The following CTNNA3 variants were observed in gnomAD, a reference collection of about 807,000 sequenced individuals.
CTNNA3 encodes catenin alpha 3.
CTNNA3 carries 76 observed loss-of-function variants against 95.7 expected under a neutral mutation model. The ratio of observed to expected loss-of-function variants is 0.79; its 90% CI spans 0.66 to 0.96. The LOEUF is 0.96. Ranked by LOEUF, CTNNA3 falls within the 40% of genes least tolerant of loss-of-function variation. The probability of loss-of-function intolerance (pLI) is 0.00; values close to 1 mark genes in which losing one functional copy is unlikely to be tolerated. For missense variants in CTNNA3, 1,191 were observed against 1,089.8 expected, an observed-to-expected ratio of 1.09 and a Z score of -1.31; for synonymous variants, 431 against 374.4, an observed-to-expected ratio of 1.15 and a Z score of -1.74.
chr10:67,624,954 T>G (rs1207404963), intron 2 of CTNNA3, among the ~76,000 whole-genome samples: 1 of 152,220 alleles, frequency 6.6e-6, no homozygotes, highest in Non-Finnish European at 1.5e-5. Flanking sequence ...TAGTCTTTAT[T>G]TTTTCCTTTG....
chr10:67,266,428 C>T (rs1441063188), intron 5 of CTNNA3, among the ~76,000 whole-genome samples: 15 of 151,938 alleles, frequency 9.9e-5, no homozygotes, highest in Non-Finnish European at 1.5e-5. Context: ...AACCTTAGAG[C>T]GAGCATGCGG....
intron 11 of CTNNA3, among the ~76,000 whole-genome samples, chr10:66,470,163 T>C (rs1030411633): frequency 3.3e-5 from 5 of 151,832 alleles, no homozygotes; most frequent in Admixed American, 1.3e-4. Context: ...AATTCCTCTA[T>C]TGGAACTGGA....
chr10:66,962,542 TG>T (rs1231328465), intron 7 of CTNNA3, among the ~76,000 whole-genome samples: 1 of 152,032 alleles, frequency 6.6e-6, no homozygotes, highest in East Asian at 1.9e-4. Context: ...ACTGAGTAGC[TG>T]GGATTACAGG....
intron 9 of CTNNA3, among the ~76,000 whole-genome samples, chr10:66,740,470 T>C (rs1849293239): frequency 6.6e-6 from 1 of 152,218 alleles, no homozygotes; most frequent in Admixed American, 6.5e-5. Flanking sequence ...TGTCAAATTA[T>C]TTTTCTTTCA....
At chr10:66,373,585 T>G (rs2092769999) in intron 12 of CTNNA3, among the ~76,000 whole-genome samples, 1 of 125,790 alleles carries the variant, frequency 7.9e-6, no homozygotes, top group Non-Finnish European at 1.6e-5. Context: ...CTCTTGTTAA[T>G]GCTCTCTAAT....
intron 7 of CTNNA3, among the ~76,000 whole-genome samples, chr10:66,991,288 C>A (rs1346645443): frequency 6.6e-6 from 1 of 152,100 alleles, no homozygotes; most frequent in Non-Finnish European, 1.5e-5. Context: ...CTTATCAAGA[C>A]ATATATTTCT....
intron 5 of CTNNA3, among the ~76,000 whole-genome samples, chr10:67,516,941 T>A (rs1372604097): frequency 1.3e-5 from 2 of 152,198 alleles, no homozygotes; most frequent in Non-Finnish European, 2.9e-5. Context: ...TTTCCTTCCT[T>A]TTTAAGGCTA....
chr10:67,134,780 C>T (rs184711614), intron 7 of CTNNA3, among the ~76,000 whole-genome samples: 1 of 152,186 alleles, frequency 6.6e-6, no homozygotes, highest in Admixed American at 6.6e-5. Flanking sequence ...GTCTTCTAAC[C>T]TCTAATAACT....
intron 13 of CTNNA3, among the ~76,000 whole-genome samples, chr10:66,188,591 GTC>G (rs35787570): frequency 0.027 from 2,890 of 106,878 alleles, 52 homozygotes; most frequent in East Asian, 0.054. Flanking sequence ...GGGAGGGGGG[GTC>G]TCTGTGTGTG....
intron 13 of CTNNA3, among the ~76,000 whole-genome samples, chr10:66,123,902 C>A (rs144568302): frequency 2.6e-5 from 4 of 152,136 alleles, no homozygotes; most frequent in Non-Finnish European, 5.9e-5. Flanking sequence ...GCCTGGCCCA[C>A]GAAACCACTT....
At chr10:66,363,545 T>C (rs1251784416) in intron 12 of CTNNA3, among the ~76,000 whole-genome samples, 1 of 152,102 alleles carries the variant, frequency 6.6e-6, no homozygotes, top group African/African-American at 2.4e-5. Context: ...CTGTGAAAAA[T>C]AAATCTCTAT....
chr10:66,565,410 G>C (rs112234250), intron 10 of CTNNA3, among the ~76,000 whole-genome samples: 6 of 152,132 alleles, frequency 3.9e-5, no homozygotes, highest in Non-Finnish European at 5.9e-5. Flanking sequence ...AGAGATGAGG[G>C]CCATGGGGCT....
chr10:67,727,593 C>G (rs1475784589), intron 1 of CTNNA3, among the ~76,000 whole-genome samples: 1 of 123,168 alleles, frequency 8.1e-6, no homozygotes, highest in Admixed American at 9.8e-5. Flanking sequence ...TGATATATAT[C>G]ATATATCATA....
At position 67,221,686 on chromosome 10, in the gene CTNNA3, T is replaced by A. The variant is rs57853232; in HGVS notation, c.580-1816A>T. On this transcript the variant is annotated intron_variant, in intron 5 of 17. Coordinates refer to ENST00000433211, the MANE Select transcript of CTNNA3 (RefSeq NM_013266.4). Reference sequence around the variant, plus strand: ...GCCTCCTGGGTTTATGCAGTTCTCCTGCCTCGGCCTCCTGAGTAGCTGAGA... The same window carrying A: ...GCCTCCTGGGTTTATGCAGTTCTCCAGCCTCGGCCTCCTGAGTAGCTGAGA... Among the ~76,000 whole-genome samples the A allele has an allele frequency of 0.013, 1,962 of 152,164 alleles. 121 individuals carry two copies. The East Asian group carries it at 0.19, about 15-fold the overall frequency.
chr10:67,239,401 T>C (rs1865630072), intron 5 of CTNNA3, among the ~76,000 whole-genome samples: 1 of 150,152 alleles, frequency 6.7e-6, no homozygotes, highest in Non-Finnish European at 1.5e-5. Flanking sequence ...AAAGAGTATG[T>C]ATGGTTTAAT....
chr10:67,742,796 G>A lies in CTNNA3; in HGVS notation c.-2+20638C>T, dbSNP rs1173519767. Among the ~76,000 whole-genome samples, 40 of 150,844 alleles carry A rather than the reference G, an allele frequency of 2.7e-4. 3 individuals carry two copies. Among genetic ancestry groups the A allele is most frequent in the Non-Finnish European group, 4.1e-4 (28 of 67,530 alleles). On this transcript the variant is annotated intron_variant, in intron 1 of 17. Coordinates refer to the CTNNA3 transcript ENST00000684154. ...GAAAAGAGAGAAGAATCAAATAGACGCAATAAAAAATGATAAAGGGGATAT... is the reference window on the plus strand; with the variant it reads ...GAAAAGAGAGAAGAATCAAATAGACACAATAAAAAATGATAAAGGGGATAT...
Position 66,069,363 on chromosome 10 carries a change from T to C in CTNNA3, c.2104A>G (p.Ile702Val), listed in dbSNP as rs1197911296. Residue 702 changes from isoleucine to valine, a missense_variant, in exon 15 of 18, where the codon ATT (isoleucine) becomes GTT (valine). Coordinates refer to ENST00000433211, the MANE Select transcript of CTNNA3 (RefSeq NM_013266.4). ...ATACACATGTTCTTGGCCAGAACAATGATGTCGTTGCTTGTATCATCCCAT... is the reference window on the plus strand; with the variant it reads ...ATACACATGTTCTTGGCCAGAACAACGATGTCGTTGCTTGTATCATCCCAT... The part of the protein sequence containing the change: ...EIWDDTSNDI[I>V]VLAKNMCMIM... 10 of 1,613,650 alleles carry C rather than the reference T, an allele frequency of 6.2e-6. No individual in the cohort carries two copies. Among genetic ancestry groups the C allele is most frequent in the Non-Finnish European group, 8.5e-6 (10 of 1,179,768 alleles).
chr10:67,521,212 T>C (rs1839974516), intron 5 of CTNNA3, among the ~76,000 whole-genome samples: 1 of 152,134 alleles, frequency 6.6e-6, no homozygotes, highest in Non-Finnish European at 1.5e-5. Context: ...CAGCATTTAA[T>C]CATGATGAAT....
intron 5 of CTNNA3, among the ~76,000 whole-genome samples, chr10:67,520,459 G>C (rs1186490521): frequency 6.6e-6 from 1 of 152,060 alleles, no homozygotes; most frequent in Non-Finnish European, 1.5e-5. Flanking sequence ...GGTAAAATAT[G>C]GTTTTGGAAA....
Sources: allele counts gnomAD v4.1 joint callset (sites outside exome capture counted in the v4.1 genomes callset), GRCh38; gene constraint gnomAD v4.1.1; transcripts MANE v1.5; gene names NCBI Gene and HGNC (gene_info 2026-07-23, HGNC 2026-07-21).